RAI14: variants seen among roughly 807,000 people sequenced by gnomAD.
RAI14 encodes retinoic acid induced 14, also known as ankycorbin.
A neutral mutation model predicts 115.4 loss-of-function variants in RAI14; 45 were observed. That is an observed-to-expected ratio of 0.39 (90% confidence interval 0.31 to 0.50). The LOEUF (loss-of-function observed/expected upper bound fraction) is 0.50, where lower values mean the gene tolerates loss of function less well. RAI14 is among the 20% of genes least tolerant of loss of function. The pLI is 0.85. For synonymous variants in RAI14, 371 were observed against 415.4 expected (o/e 0.89, Z 1.30); for missense variants, 939 against 1,131.2 (o/e 0.83, Z 2.44).
chr5:34,695,517 G>A (rs1739122375), intron 2 of RAI14, among the ~76,000 whole-genome samples: 1 of 152,134 alleles, frequency 6.6e-6, no homozygotes, highest in Non-Finnish European at 1.5e-5. Context: ...AAATGTGCTA[G>A]TCCAAACTGA....
chr5:34,752,745 GTGTGTATA>G lies in RAI14; in HGVS notation c.37-4721_37-4714del, dbSNP rs1461021164. Among the ~76,000 whole-genome samples, 590 of 105,268 alleles carry G rather than the reference GTGTGTATA, an allele frequency of 5.6e-3. 21 individuals carry two copies. The highest frequency in any genetic ancestry group is 0.021 in the African/African-American group (546 of 26,560). 69.1% of individuals were successfully genotyped at this position (105,268 alleles called of 152,430 possible). ...TGTGTGTGTGTGTGTGTGTGTGTGT[GTGTGTATA>G]TATATATATATATGTATCTTTTCTT... On this transcript the variant is annotated intron_variant, in intron 2 of 17. Coordinates refer to ENST00000265109, the MANE Select transcript of RAI14 (RefSeq NM_015577.3).
At chr5:34,773,072 T>C (rs1750380556) in intron 3 of RAI14, among the ~76,000 whole-genome samples, 1 of 152,178 alleles carries the variant, frequency 6.6e-6, no homozygotes, top group African/African-American at 2.4e-5. Flanking sequence ...GATTCCTTTA[T>C]TTGTGGAACA....
At chr5:34,777,704 G>A (rs555517668) in intron 3 of RAI14, among the ~76,000 whole-genome samples, 74 of 152,112 alleles carry the variant, frequency 4.9e-4, no homozygotes, top group African/African-American at 1.7e-3. Flanking sequence ...GCTTGAACCC[G>A]GGAGGCAGAG....
At chr5:34,692,427 G>A (rs559982974) in intron 2 of RAI14, among the ~76,000 whole-genome samples, 1 of 151,900 alleles carries the variant, frequency 6.6e-6, no homozygotes, top group South Asian at 2.1e-4. Context: ...CACAATGGGA[G>A]TATTTAAAAT....
intron 2 of RAI14, among the ~76,000 whole-genome samples, chr5:34,707,324 C>T (rs914389718): frequency 2.0e-5 from 3 of 152,104 alleles, no homozygotes; most frequent in South Asian, 2.1e-4. Context: ...GAAATTAGCC[C>T]GACGTGGTGT....
At chr5:34,688,076 A>G in intron 2 of RAI14, 1 of 1,456,554 alleles carries the variant, frequency 6.9e-7, no homozygotes, top group Admixed American at 2.9e-5. Flanking sequence ...AGGTAAATTA[A>G]ATAAAACTCA....
At chr5:34,769,694 G>A (rs1467302127) in intron 3 of RAI14, among the ~76,000 whole-genome samples, 3 of 152,152 alleles carry the variant, frequency 2.0e-5, no homozygotes, top group Non-Finnish European at 4.4e-5. Flanking sequence ...GGGGTTGGCA[G>A]AGTTGAGACC....
intron 5 of RAI14, among the ~76,000 whole-genome samples, chr5:34,805,714 G>A (rs1369057615): frequency 2.0e-5 from 3 of 152,076 alleles, no homozygotes; most frequent in African/African-American, 7.2e-5. Context: ...GGTGGTGCAT[G>A]CCTGTAATCC....
At chr5:34,686,741 CCT>C in intron 1 of RAI14, 129 bp from the exon 2 acceptor site, 1 of 454,508 alleles carries the variant, frequency 2.2e-6, no homozygotes, top group Non-Finnish European at 3.9e-6. Flanking sequence ...ATTTACCACT[CCT>C]CAGCTGTTAA....
At chr5:34,676,035 A>G (rs936399855) in intron 1 of RAI14, among the ~76,000 whole-genome samples, 1 of 152,244 alleles carries the variant, frequency 6.6e-6, no homozygotes, top group Non-Finnish European at 1.5e-5. Flanking sequence ...GTAGGTGGGA[A>G]TAGCATTGCT....
chr5:34,766,018 C>T (rs1489604911), intron 3 of RAI14, among the ~76,000 whole-genome samples: 1 of 152,208 alleles, frequency 6.6e-6, no homozygotes, highest in Non-Finnish European at 1.5e-5. Flanking sequence ...TGATGTTGAG[C>T]TTACAAGTAT....
chr5:34,750,032 T>C (rs1992713), intron 2 of RAI14, among the ~76,000 whole-genome samples: 78,206 of 152,084 alleles, frequency 0.51, 20,976 homozygotes, highest in African/African-American at 0.68. Flanking sequence ...AAAATATTCA[T>C]AGAACATTAG....
At chr5:34,733,960 G>A (rs868476222) in intron 2 of RAI14, among the ~76,000 whole-genome samples, 6 of 152,280 alleles carry the variant, frequency 3.9e-5, no homozygotes, top group Middle Eastern at 3.4e-3. Context: ...CACAAGTCAG[G>A]CTTCATAACG....
chr5:34,822,463 G>GT (rs1756960506), intron 14 of RAI14, among the ~76,000 whole-genome samples: 2 of 151,064 alleles, frequency 1.3e-5, no homozygotes, highest in South Asian at 2.1e-4. Flanking sequence ...CAATTTTAGT[G>GT]TTTTCAAAGT....
intron 3 of RAI14, among the ~76,000 whole-genome samples, chr5:34,763,598 A>G (rs536942382): frequency 3.9e-5 from 6 of 152,354 alleles, no homozygotes; most frequent in African/African-American, 1.2e-4. Context: ...CTCAAGATGC[A>G]TAACACCTAG....
At position 34,811,845 on chromosome 5, in the gene RAI14, C is replaced by A; in HGVS notation, c.636C>A (p.Asn212Lys). The A allele has an allele frequency of 1.2e-6, 2 of 1,612,974 alleles. No individual in the cohort carries two copies. The highest frequency in any genetic ancestry group is 1.7e-6 in the Non-Finnish European group (2 of 1,179,242). ...TAATTAAAAAGGGTGCAGACCTAAACCTTGTAGATTCTCTTGGATACAATG... is the reference window on the plus strand; with the variant it reads ...TAATTAAAAAGGGTGCAGACCTAAAACTTGTAGATTCTCTTGGATACAATG... ...EALIKKGADL[N>K]LVDSLGYNAL... The change falls in exon 9 of 18, where the codon AAC becomes AAA. Residue 212 changes from asparagine to lysine, a missense_variant. Transcript: ENST00000265109.
At chr5:34,693,625 A>G (rs1431300948) in intron 2 of RAI14, among the ~76,000 whole-genome samples, 1 of 152,246 alleles carries the variant, frequency 6.6e-6, no homozygotes, top group Non-Finnish European at 1.5e-5. Context: ...TGTTGAGGAC[A>G]GGTAAGTAAC....
chr5:34,814,659 C>A lies in RAI14; in HGVS notation c.929C>A (p.Pro310Gln), dbSNP rs1335101054. 1.2e-6 allele frequency: 2 copies of A among 1,607,914 alleles called. No individual in the cohort carries two copies. Among genetic ancestry groups the A allele is most frequent in the African/African-American group, 1.3e-5 (1 of 74,760 alleles). ...AAGGAATCGGTATTTTTTGCTGAAC[C>A]ACCCTTCAAGGTATTTCCTTTCTGT... Reference protein sequence around the residue: ...SGKESVFFAEPPFKAEISSIR... With the variant: ...SGKESVFFAEQPFKAEISSIR... Residue 310 changes from proline to glutamine, a missense_variant, in exon 12 of 18, where the codon CCA becomes CAA. Transcript: ENST00000265109.
chr5:34,657,709 A>G (rs996895488), intron 1 of RAI14, among the ~76,000 whole-genome samples: 1 of 152,178 alleles, frequency 6.6e-6, no homozygotes, highest in African/African-American at 2.4e-5. Context: ...TGTGGTCTCA[A>G]GGCTGCAGGG....
Sources: allele counts gnomAD v4.1 joint callset (sites outside exome capture counted in the v4.1 genomes callset), GRCh38; gene constraint gnomAD v4.1.1; transcripts MANE v1.5; gene names NCBI Gene and HGNC (gene_info 2026-07-23, HGNC 2026-07-21).